Variants in WNK2 observed in about 807,000 individuals in gnomAD.
The protein encoded by WNK2 is WNK lysine deficient protein kinase 2, also known as serine/threonine-protein kinase WNK2.
WNK2 carries 67 observed loss-of-function variants against 192.1 expected under a neutral mutation model. The ratio of observed to expected loss-of-function variants is 0.35; its 90% CI spans 0.29 to 0.43. The LOEUF (loss-of-function observed/expected upper bound fraction) is 0.43. Among genes scored for constraint, WNK2 ranks in the 20% least tolerant of loss-of-function variants. The pLI is 1.00. For missense variants in WNK2, 2,698 were observed against 3,089.7 expected (o/e 0.87, Z 3.01); for synonymous variants, 1,439 against 1,393.9 (o/e 1.03, Z -0.72).
chr9:93,319,080 T>C (rs780771440), intron 29 of WNK2: 3 of 1,612,850 alleles, frequency 1.9e-6, no homozygotes, highest in Non-Finnish European at 2.5e-6. Flanking sequence ...GTTCCTTGAG[T>C]GAAGTGGGGG....
chr9:93,221,090 C>G (rs748759593), intron 2 of WNK2, among the ~76,000 whole-genome samples: 30 of 152,102 alleles, frequency 2.0e-4, no homozygotes, highest in Non-Finnish European at 3.7e-4. Flanking sequence ...GCCCTGTGAC[C>G]GGAGCCCTGC....
At chr9:93,186,936 C>G (rs1163968551) in intron 2 of WNK2, among the ~76,000 whole-genome samples, 1 of 152,096 alleles carries the variant, frequency 6.6e-6, no homozygotes, top group African/African-American at 2.4e-5. Context: ...ACAGGAAAGG[C>G]AGTGGGTGGG....
intron 23 of WNK2, 62 bp from the exon 24 acceptor site, chr9:93,297,791 A>T (rs1554745890): frequency 5.3e-6 from 8 of 1,497,396 alleles, no homozygotes. Context: ...CTCCTGGAGG[A>T]GCTGGCGGTG....
intron 23 of WNK2, 57 bp downstream of exon 23, chr9:93,293,230 C>T (rs1458073870): frequency 7.2e-7 from 1 of 1,390,814 alleles, no homozygotes; most frequent in African/African-American, 1.5e-5. Context: ...CACCCCTTCC[C>T]AGTTGTGAGG....
chr9:93,242,287 A>G (rs1172182986), intron 7 of WNK2, among the ~76,000 whole-genome samples: 1 of 152,172 alleles, frequency 6.6e-6, no homozygotes, highest in Non-Finnish European at 1.5e-5. Flanking sequence ...CACCTGGCCC[A>G]TTCTCATCTG....
intron 9 of WNK2, among the ~76,000 whole-genome samples, chr9:93,255,051 CCAG>C (rs1790535880): frequency 6.6e-6 from 1 of 152,288 alleles, no homozygotes; most frequent in African/African-American, 2.4e-5. Context: ...AGTGTGGAAA[CCAG>C]CACACCTGAG....
intron 28 of WNK2, chr9:93,317,009 C>T: frequency 5.7e-6 from 1 of 174,502 alleles, no homozygotes; most frequent in African/African-American, 2.4e-5. Context: ...AGCAGCCTTG[C>T]CTTCCTGGGG....
At chr9:93,269,630 A>T (rs1845737600) in intron 19 of WNK2, among the ~76,000 whole-genome samples, 1 of 152,230 alleles carries the variant, frequency 6.6e-6, no homozygotes, top group African/African-American at 2.4e-5. Flanking sequence ...ATATGTTCGT[A>T]TATTACTTCT....
chr9:93,269,629 T>C (rs1159755396), intron 19 of WNK2, among the ~76,000 whole-genome samples: 1 of 152,206 alleles, frequency 6.6e-6, no homozygotes, highest in African/African-American at 2.4e-5. Context: ...TATATGTTCG[T>C]ATATTACTTC....
At chr9:93,316,993 G>A (rs945520614) in intron 28 of WNK2, 3 of 170,994 alleles carry the variant, frequency 1.8e-5, no homozygotes, top group Non-Finnish European at 2.5e-5. Flanking sequence ...GTGACTCCCC[G>A]TGGCCAGCAG....
Position 93,320,427 on chromosome 9 carries a change from T to C in WNK2, c.*35T>C, listed in dbSNP as rs1303386600. On this transcript the variant is annotated 3_prime_UTR_variant, in exon 30 of 30. Coordinates refer to ENST00000427277, the MANE Select transcript of WNK2 (RefSeq NM_006648.4). ...GACGCCAGGCCCACTTCACGCCGTC[T>C]AAGTGGAGAAGTGACGGACCCTCAG... 7.3e-7 allele frequency: 1 copy of C among 1,367,482 alleles called. No homozygotes were observed. The highest frequency in any genetic ancestry group is 9.8e-7 in the Non-Finnish European group (1 of 1,021,826). 84.7% of individuals were successfully genotyped at this position (1,367,482 alleles called of 1,614,324 possible).
At chr9:93,186,764 C>T (rs1160254165) in intron 2 of WNK2, among the ~76,000 whole-genome samples, 1 of 152,256 alleles carries the variant, frequency 6.6e-6, no homozygotes, top group Non-Finnish European at 1.5e-5. Context: ...TGTCGTCAGC[C>T]TTTCTCCCAA....
chr9:93,278,984 T>C (rs1272452032), intron 19 of WNK2, among the ~76,000 whole-genome samples: 1 of 152,180 alleles, frequency 6.6e-6, no homozygotes, highest in Non-Finnish European at 1.5e-5. Flanking sequence ...TTCCTCACCC[T>C]GATGAAGGGA....
chr9:93,257,173 G>C lies in WNK2; in HGVS notation c.2382+34G>C, dbSNP rs764892353. On this transcript the variant is annotated intron_variant, in intron 11 of 29. Coordinates refer to ENST00000427277, the MANE Select transcript of WNK2 (RefSeq NM_006648.4). This position sits in a 1 kb window ranked among gnomAD's most constrained non-coding sequence, Gnocchi z 4.7. ...AGGTTGATGGCTGCCGTCAGTGGTG[G>C]CGCACGCTTTGCCAGGCCCTGGCTG... 6.3e-7 allele frequency: 1 copy of C among 1,587,928 alleles called. No homozygotes were observed. Among genetic ancestry groups the C allele is most frequent in the Non-Finnish European group, 8.5e-7 (1 of 1,173,484 alleles).
chr9:93,317,566 C>T lies in WNK2; in HGVS notation c.6563C>T (p.Ala2188Val), dbSNP rs147707800. The T allele has an allele frequency of 4.6e-5, 75 of 1,613,542 alleles. No homozygotes were observed. In the African/African-American group the frequency reaches 7.9e-4, roughly 17 times the overall value. ...GTGGGGATGCCACGTCTGCCCCCAG[C>T]GCCCGGCCCTCTGTCCACCACGGTC... The part of the protein sequence containing the change: ...AGVGMPRLPP[A>V]PGPLSTTVIP... The change falls in exon 29 of 30, where the codon GCG (alanine) becomes GTG (valine). Residue 2188 changes from alanine (A) to valine (V), a missense_variant. This residue lies in a region of WNK2 where 167 missense variants were observed against 184.2 expected (regional missense o/e 0.91). Coordinates refer to ENST00000427277, the MANE Select transcript of WNK2 (RefSeq NM_006648.4).
At chr9:93,319,149 C>T (rs532336280) in intron 29 of WNK2, 2 of 1,614,098 alleles carry the variant, frequency 1.2e-6, no homozygotes, top group South Asian at 2.2e-5. Flanking sequence ...TGGTCAGTGG[C>T]ACGGAATCCC....
rs756580132 is a variant in WNK2, at chr9:93,252,938, C to A, written c.1890C>A (p.Ser630Arg). 3.8e-6 allele frequency: 6 copies of A among 1,575,900 alleles called. No homozygotes were observed. The highest frequency in any genetic ancestry group is 5.2e-6 in the Non-Finnish European group (6 of 1,162,112). Residue 630 changes from serine (S) to arginine (R), a missense_variant, in exon 9 of 30, where the codon AGC becomes AGA. Physicochemically the swap from Ser to Arg is moderately radical, Grantham distance 110. Around this residue, in one of 7 missense-constraint regions of WNK2, gnomAD observed 893 missense variants for 909.0 expected, o/e 0.98. Coordinates refer to ENST00000427277, the MANE Select transcript of WNK2 (RefSeq NM_006648.4). Reference protein sequence around the residue: ...QGSTVYSDSQSSQQSVMLGSL... With the variant: ...QGSTVYSDSQRSQQSVMLGSL... ...CTACCGTGTACTCAGACTCGCAGAG[C>A]AGCCAGCAGAGCGTGATGCTTGGCT...
intron 2 of WNK2, among the ~76,000 whole-genome samples, chr9:93,198,002 G>A (rs1831591393): frequency 6.6e-6 from 1 of 152,160 alleles, no homozygotes; most frequent in Non-Finnish European, 1.5e-5. Context: ...GAGGCATATT[G>A]GCTTCCTGAG....
intron 23 of WNK2, among the ~76,000 whole-genome samples, chr9:93,296,611 A>C (rs1220698060): frequency 1.5e-4 from 6 of 41,046 alleles, no homozygotes; most frequent in Admixed American, 3.3e-4. Context: ...TTCCCTCTCC[A>C]TCCTCCCCTC....
Sources: gnomAD v4.1 joint callset for allele counts (sites outside exome capture counted in the v4.1 genomes callset) on GRCh38, gnomAD v4.1.1 for gene constraint, gnomAD v4.1.1 regional missense constraint, Gnocchi (gnomAD v3.1) non-coding constraint, MANE v1.5 for transcripts, NCBI Gene and HGNC (gene_info 2026-07-23, HGNC 2026-07-21) for gene names.